Variants in BCAN observed in about 807,000 individuals in gnomAD.
The protein encoded by BCAN is brevican core protein.
Under a neutral mutation model 92.4 loss-of-function variants are expected in BCAN, and 51 were observed. The ratio of observed to expected loss-of-function variants is 0.55; its 90% CI spans 0.44 to 0.70. BCAN has a LOEUF of 0.70. Ranked by LOEUF, BCAN falls within the 30% of genes least tolerant of loss-of-function variation. The pLI is 0.00. For synonymous variants in BCAN, 501 were observed against 505.2 expected, an observed-to-expected ratio of 0.99 and a Z score of 0.11; for missense variants, 1,140 against 1,212.1, an observed-to-expected ratio of 0.94 and a Z score of 0.88.
At position 156,645,227 on chromosome 1, in the gene BCAN, G is replaced by A. The variant is rs1406891530; in HGVS notation, c.-8-820G>A. Among the ~76,000 whole-genome samples the A allele has an allele frequency of 3.3e-5, 5 of 152,324 alleles. No individual in the cohort carries two copies. In the South Asian group the frequency reaches 1.0e-3, roughly 32 times the overall value. Reference sequence around the variant, plus strand: ...GGCTTTCACAAAAGGTAGGGTGGGGGAAGGGAGGGGCTGGATAGAGGCCAG... The same window carrying A: ...GGCTTTCACAAAAGGTAGGGTGGGGAAAGGGAGGGGCTGGATAGAGGCCAG... On this transcript the variant is annotated intron_variant, in intron 1 of 13. Coordinates refer to ENST00000329117, the MANE Select transcript of BCAN (RefSeq NM_021948.5).
intron 11 of BCAN, among the ~76,000 whole-genome samples, 166 bp downstream of exon 11, chr1:156,657,923 C>T (rs1181755948): frequency 6.6e-6 from 1 of 151,786 alleles, no homozygotes; most frequent in Non-Finnish European, 1.5e-5. Context: ...TCGTTGTGTC[C>T]TCTTTCTTCC....
chr1:156,658,120 C>T lies in BCAN; in HGVS notation c.2293-7C>T, dbSNP rs773336501. 8.7e-6 allele frequency: 14 copies of T among 1,612,834 alleles called. No individual in the cohort carries two copies. In the South Asian group the frequency reaches 1.2e-4, roughly 14 times the overall value. ...GGAGCTCCTCACCACCTCCTCCGTT[C>T]CCCCAGCTCTATGAGAACTGGAACC... On this transcript the variant is annotated splice_polypyrimidine_tract_variant and splice_region_variant and intron_variant, in intron 11 of 13. Transcript: ENST00000329117. The surrounding 1 kb of genome is among the most constrained non-coding windows in gnomAD (Gnocchi z 4.4).
chr1:156,648,954 G>C (rs1362485629), intron 6 of BCAN, 93 bp downstream of exon 6: 1 of 1,392,514 alleles, frequency 7.2e-7, no homozygotes. Flanking sequence ...GTTTAGCTCA[G>C]GGCTTTGCCA....
At chr1:156,656,238 G>A in intron 8 of BCAN, 44 bp from the exon 9 acceptor site, 1 of 1,375,802 alleles carries the variant, frequency 7.3e-7, no homozygotes, top group Non-Finnish European at 9.6e-7. Flanking sequence ...GCTGCAGAGT[G>A]CGGCTGCCTC....
chr1:156,658,638 C>G lies in BCAN; in HGVS notation c.2533C>G (p.Arg845Gly). 6.2e-7 allele frequency: 1 copy of G among 1,614,148 alleles called. No homozygotes were observed. Among genetic ancestry groups the G allele is most frequent in the South Asian group, 1.1e-5 (1 of 91,086 alleles). The stretch of plus-strand genomic sequence containing the variant: ...GGACACTGTGCTTCGCTACCGGTGC[C>G]GGGAAGGACTGGCCCAGCGCAATCT... ...EVDTVLRYRCREGLAQRNLPL... is the reference protein window; with the variant it reads ...EVDTVLRYRCGEGLAQRNLPL... Residue 845 changes from arginine to glycine, a missense_variant, in exon 13 of 14, where the codon CGG becomes GGG. By Grantham distance (125) the Arg-to-Gly change is moderately radical (BLOSUM62 -2). Transcript: ENST00000329117. The surrounding 1 kb of genome is among the most constrained non-coding windows in gnomAD (Gnocchi z 4.4).
intron 6 of BCAN, among the ~76,000 whole-genome samples, chr1:156,649,557 C>T (rs1055948836): frequency 1.3e-5 from 2 of 152,182 alleles, no homozygotes; most frequent in African/African-American, 4.8e-5. Context: ...GCTTATGCCA[C>T]CATGTCTAGC....
intron 6 of BCAN, chr1:156,649,850 T>A: frequency 1.9e-6 from 1 of 518,524 alleles, no homozygotes; most frequent in Non-Finnish European, 3.9e-6. Flanking sequence ...CCTGAAATAC[T>A]GTTACAAGAG....
chr1:156,658,882 G>A lies in BCAN; in HGVS notation c.2629-145G>A, dbSNP rs537070120. 27 of 1,357,870 alleles carry A rather than the reference G, an allele frequency of 2.0e-5. No homozygotes were observed. In the African/African-American group the frequency reaches 3.3e-4, roughly 17 times the overall value. The allele number at this position is 1,357,870 out of a possible 1,614,324, so 84.1% of individuals were successfully genotyped here. On this transcript the variant is annotated intron_variant, in intron 13 of 13. Coordinates refer to ENST00000329117, the MANE Select transcript of BCAN (RefSeq NM_021948.5). This position sits in a 1 kb window ranked among gnomAD's most constrained non-coding sequence, Gnocchi z 4.4. ...GCAAAGGGGAAGAGGTGGGCTGGAG[G>A]CTCTGGGGTTCCTTCAGTGCTGATG...
At chr1:156,652,115 T>C in intron 7 of BCAN, 133 bp from the exon 8 acceptor site, 2 of 1,218,928 alleles carry the variant, frequency 1.6e-6, no homozygotes, top group South Asian at 3.1e-5. Flanking sequence ...AAGGACCACC[T>C]GTCCTCAGGG....
chr1:156,651,207 G>T (rs1679151570), intron 6 of BCAN, among the ~76,000 whole-genome samples: 1 of 152,204 alleles, frequency 6.6e-6, no homozygotes, highest in African/African-American at 2.4e-5. Flanking sequence ...TCCCTTGAGG[G>T]TAGGAGGTTT....
chr1:156,656,794 T>C, intron 9 of BCAN, 144 bp from the exon 10 acceptor site: 2 of 1,138,760 alleles, frequency 1.8e-6, no homozygotes, highest in East Asian at 2.6e-5. Context: ...CCCCTCATTC[T>C]CTACTAGCTC....
Position 156,647,757 on chromosome 1 carries a change from C to G in BCAN, c.641+75C>G, listed in dbSNP as rs1679033392. On this transcript the variant is annotated intron_variant, in intron 4 of 13. Transcript: ENST00000329117. The surrounding 1 kb of genome is among the most constrained non-coding windows in gnomAD (Gnocchi z 4.8). The stretch of plus-strand genomic sequence containing the variant: ...TGGCCCCCCTTCTGCTGGGTGCTGC[C>G]TGCTGTGTCAGGCTGGACATGCAGG... 1.9e-5 allele frequency: 29 copies of G among 1,558,536 alleles called. No individual in the cohort carries two copies. Among genetic ancestry groups the G allele is most frequent in the Non-Finnish European group, 2.4e-5 (27 of 1,145,242 alleles).
In BCAN at chr1:156,642,854, G is replaced by A. The variant is rs1239449937; in HGVS notation, c.-9+579G>A. The A allele has an allele frequency of 1.3e-5, 2 of 152,232 alleles. No individual in the cohort carries two copies. The highest frequency in any genetic ancestry group is 6.5e-5 in the Admixed American group (1 of 15,290). The allele number at this position is 152,232 out of a possible 1,614,324, so 9.4% of individuals were successfully genotyped here. On this transcript the variant is annotated intron_variant, in intron 1 of 13. Transcript: ENST00000329117. This position sits in a 1 kb window ranked among gnomAD's most constrained non-coding sequence, Gnocchi z 4.2. ...ACCTCGGGTTCCTCATCGGTGTAAT[G>A]AGCAAAACATAAACAATCTTTTTCT...
chr1:156,652,775 G>T lies in BCAN; in HGVS notation c.1825G>T (p.Ala609Ser). ...RAPEGTRELE[A>S]PSEDNSGRTA... ...CCCTGAGGGTACCAGGGAGCTGGAG[G>T]CCCCCTCTGAAGATAATTCTGGAAG... Residue 609 changes from alanine to serine, a missense_variant, in exon 8 of 14, where the codon GCC becomes TCC. Ala to Ser is a moderately conservative substitution (Grantham distance 99, BLOSUM62 1). Around this residue, in one of 3 missense-constraint regions of BCAN, gnomAD observed 825 missense variants for 871.8 expected, o/e 0.95. Coordinates refer to ENST00000329117, the MANE Select transcript of BCAN (RefSeq NM_021948.5). 1 of 1,611,276 alleles carries T rather than the reference G, an allele frequency of 6.2e-7. No homozygotes were observed. Among genetic ancestry groups the T allele is most frequent in the Non-Finnish European group, 8.5e-7 (1 of 1,178,042 alleles).
Position 156,648,640 on chromosome 1 carries a change from G to A in BCAN, c.842G>A (p.Gly281Asp), listed in dbSNP as rs757235586. 8 of 1,612,830 alleles carry A rather than the reference G, an allele frequency of 5.0e-6. No homozygotes were observed. In the Admixed American group the frequency reaches 6.7e-5, roughly 13 times the overall value. Residue 281 changes from glycine to aspartate, a missense_variant, in exon 6 of 14, where the codon GGT becomes GAT. By Grantham distance (94) the Gly-to-Asp change is moderately conservative. Around this residue, in one of 3 missense-constraint regions of BCAN, gnomAD observed 825 missense variants for 871.8 expected, o/e 0.95. Transcript: ENST00000329117. ...EEARAYCQER[G>D]AEIATTGQLY... ...GCACGGGCGTACTGCCAGGAGCGGG[G>A]TGCAGAGATTGCCACCACGGGCCAA...
chr1:156,649,429 G>A (rs1189600235), intron 6 of BCAN, among the ~76,000 whole-genome samples: 2 of 152,116 alleles, frequency 1.3e-5, no homozygotes, highest in Non-Finnish European at 2.9e-5. Flanking sequence ...TTGAGACAGG[G>A]TCTCACTCCG....
chr1:156,658,924 C>A lies in BCAN; in HGVS notation c.2629-103C>A. 1 of 1,327,230 alleles carries A rather than the reference C, an allele frequency of 7.5e-7. No individual in the cohort carries two copies. Among genetic ancestry groups the A allele is most frequent in the Non-Finnish European group, 1.0e-6 (1 of 957,478 alleles). 82.2% of individuals were successfully genotyped at this position (1,327,230 alleles called of 1,614,324 possible). A position where few individuals can be genotyped will look rare whatever the true frequency, so the allele number is the denominator to read the frequency against. ...GTGCTGATGTCTGATAACATGCAGC[C>A]CCATTCTGGGCTCTTACGGGCTGAG... On this transcript the variant is annotated intron_variant, in intron 13 of 13. Transcript: ENST00000329117. This position sits in a 1 kb window ranked among gnomAD's most constrained non-coding sequence, Gnocchi z 4.4.
intron 2 of BCAN, chr1:156,646,417 T>A (rs1256285228): frequency 2.0e-6 from 1 of 504,318 alleles, no homozygotes; most frequent in African/African-American, 1.9e-5. Flanking sequence ...GGGGTGGAAC[T>A]GGGAGAAACC....
At chr1:156,650,678 C>A (rs1024235906) in intron 6 of BCAN, among the ~76,000 whole-genome samples, 1 of 152,202 alleles carries the variant, frequency 6.6e-6, no homozygotes, top group Non-Finnish European at 1.5e-5. Flanking sequence ...AGGCTCGGTG[C>A]AGTGGCTCAT....
Sources: allele counts gnomAD v4.1 joint callset (sites outside exome capture counted in the v4.1 genomes callset), GRCh38; gene constraint gnomAD v4.1.1; regional missense constraint gnomAD v4.1.1; non-coding constraint Gnocchi (gnomAD v3.1); transcripts MANE v1.5; gene names NCBI Gene and HGNC (gene_info 2026-07-23, HGNC 2026-07-21).